The following RNF144B variants were observed in gnomAD, a reference collection of about 807,000 sequenced individuals.
RNF144B encodes the protein E3 ubiquitin-protein ligase RNF144B.
A neutral mutation model predicts 40.2 loss-of-function variants in RNF144B; 25 were observed. The ratio of observed to expected loss-of-function variants is 0.62; its 90% CI spans 0.45 to 0.87. The LOEUF (loss-of-function observed/expected upper bound fraction) is 0.87. RNF144B is among the 40% of genes least tolerant of loss of function. RNF144B has a pLI of 0.00. For synonymous variants in RNF144B, 145 were observed against 136.3 expected, an observed-to-expected ratio of 1.06 and a Z score of -0.44; for missense variants, 365 against 373.7, an observed-to-expected ratio of 0.98 and a Z score of 0.19.
intron 6 of RNF144B, among the ~76,000 whole-genome samples, chr6:18,461,285 A>G (rs921644381): frequency 6.6e-6 from 1 of 152,236 alleles, no homozygotes; most frequent in Non-Finnish European, 1.5e-5. Flanking sequence ...TTGATTTATC[A>G]TAGGCCCTTG....
chr6:18,462,256 AC>A (rs1286885207), intron 6 of RNF144B, among the ~76,000 whole-genome samples: 1 of 152,096 alleles, frequency 6.6e-6, no homozygotes, highest in African/African-American at 2.4e-5. Context: ...ACGTAGTCAC[AC>A]CCCGACTGTA....
chr6:18,458,376 C>T lies in RNF144B; in HGVS notation c.536+1017C>T, dbSNP rs1759377206. Among the ~76,000 whole-genome samples, 2 of 152,186 alleles carry T rather than the reference C, an allele frequency of 1.3e-5. No individual in the cohort carries two copies. The highest frequency in any genetic ancestry group is 4.8e-5 in the African/African-American group (2 of 41,432). On this transcript the variant is annotated intron_variant, in intron 5 of 7. Transcript: ENST00000259939. This position sits in a 1 kb window ranked among gnomAD's most constrained non-coding sequence, Gnocchi z 4.8. Reference sequence around the variant, plus strand: ...TGTTGTAATCCCATTGGCTTAATCACACAGTGCACCCAGAATGTGTAGAAC... The same window carrying T: ...TGTTGTAATCCCATTGGCTTAATCATACAGTGCACCCAGAATGTGTAGAAC...
rs1562061655 is a variant in RNF144B at position 18,463,295 on chromosome 6, A to G, written c.686A>G (p.Asp229Gly). The change falls in exon 7 of 8, where the codon GAC becomes GGC. Residue 229 changes from aspartate to glycine, a missense_variant. Asp to Gly is a moderately conservative substitution (Grantham distance 94). Transcript: ENST00000259939. ...ATCAATCTTTTTATTTTTCAGAATG[A>G]CATTTTCCTCAGACATTATGACAAA... ...CWYCLQNLDN[D>G]IFLRHYDKGP... is the part of the protein sequence containing the mutation. 1 of 1,586,412 alleles carries G rather than the reference A, an allele frequency of 6.3e-7. No individual in the cohort carries two copies. The highest frequency in any genetic ancestry group is 8.7e-7 in the Non-Finnish European group (1 of 1,154,696).
chr6:18,435,088 G>A (rs1758787466), intron 3 of RNF144B, among the ~76,000 whole-genome samples: 1 of 152,082 alleles, frequency 6.6e-6, no homozygotes, highest in African/African-American at 2.4e-5. Flanking sequence ...ATTAAAGTTT[G>A]GGTGTTTTCC....
At chr6:18,429,911 G>T (rs2113502393) in intron 3 of RNF144B, among the ~76,000 whole-genome samples, 1 of 152,240 alleles carries the variant, frequency 6.6e-6, no homozygotes, top group South Asian at 2.1e-4. Context: ...TGGAGCTTCT[G>T]GTCCAGCAGA....
intron 2 of RNF144B, among the ~76,000 whole-genome samples, chr6:18,403,807 G>T (rs1289029024): frequency 6.6e-6 from 1 of 152,196 alleles, no homozygotes; most frequent in Non-Finnish European, 1.5e-5. Flanking sequence ...TTGGCTTCTG[G>T]TGAAGGTCTC....
rs1794729984 is a variant in RNF144B at position 18,398,240 on chromosome 6, A to G, written c.-36-1259A>G. 6.6e-6 allele frequency among the ~76,000 whole-genome samples: 1 copy of G among 152,072 alleles called. No homozygotes were observed. The highest frequency in any genetic ancestry group is 1.5e-5 in the Non-Finnish European group (1 of 68,004). On this transcript the variant is annotated intron_variant, in intron 1 of 7. Transcript: ENST00000259939. The surrounding 1 kb of genome is among the most constrained non-coding windows in gnomAD (Gnocchi z 5.0). Reference sequence around the variant, plus strand: ...CCTCATTTAAGTGGAATCATACAATATTTGATTTTCTGTCTGGTTTATTTC... The same window carrying G: ...CCTCATTTAAGTGGAATCATACAATGTTTGATTTTCTGTCTGGTTTATTTC...
rs1231782528 is a variant in RNF144B at position 18,465,751 on chromosome 6, C to G, written c.*684C>G. 1 of 152,216 alleles carries G rather than the reference C, an allele frequency of 6.6e-6. No homozygotes were observed. The highest frequency in any genetic ancestry group is 1.5e-5 in the Non-Finnish European group (1 of 68,054). 9.4% of individuals were successfully genotyped at this position (152,216 alleles called of 1,614,324 possible). On this transcript the variant is annotated 3_prime_UTR_variant, in exon 8 of 8. Transcript: ENST00000259939. ...AGTAAAAGAGTTGCAGCCTGTTAAACAATGTGGTCTAATTTAGTGTCTCTC... is the reference window on the plus strand; with the variant it reads ...AGTAAAAGAGTTGCAGCCTGTTAAAGAATGTGGTCTAATTTAGTGTCTCTC...
intron 2 of RNF144B, 146 bp from the exon 3 acceptor site, chr6:18,427,435 A>G (rs1758582131): frequency 1.8e-6 from 1 of 552,814 alleles, no homozygotes; most frequent in Non-Finnish European, 3.2e-6. Context: ...GGCTCTTAGT[A>G]TTCACACTTG....
In RNF144B at chr6:18,465,002, A is replaced by G. The variant is rs769859170; in HGVS notation, c.847A>G (p.Ile283Val). 2.7e-5 allele frequency: 44 copies of G among 1,613,800 alleles called. No homozygotes were observed. The Middle Eastern group carries it at 1.5e-3, about 54-fold the overall frequency. Reference sequence around the variant, plus strand: ...CTTGTTACTCCTGGCCTCCCCATGTATAATCTGTTGTGTCTGCAAGTCCTG... The same window carrying G: ...CTTGTTACTCCTGGCCTCCCCATGTGTAATCTGTTGTGTCTGCAAGTCCTG... Reference protein sequence around the residue: ...SPLLLLASPCIICCVCKSCRG... With the variant: ...SPLLLLASPCVICCVCKSCRG... The change falls in exon 8 of 8, where the codon ATA (isoleucine) becomes GTA (valine). Residue 283 changes from isoleucine to valine, a missense_variant. Coordinates refer to ENST00000259939, the MANE Select transcript of RNF144B (RefSeq NM_182757.4).
At position 18,416,960 on chromosome 6, in the gene RNF144B, A is replaced by G. The variant is rs1795158163; in HGVS notation, c.166-10621A>G. Among the ~76,000 whole-genome samples, 1 of 152,230 alleles carries G rather than the reference A, an allele frequency of 6.6e-6. No individual in the cohort carries two copies. The highest frequency in any genetic ancestry group is 2.1e-4 in the South Asian group (1 of 4,836). On this transcript the variant is annotated intron_variant, in intron 2 of 7. Transcript: ENST00000259939. The surrounding 1 kb of genome is among the most constrained non-coding windows in gnomAD (Gnocchi z 5.5). Reference sequence around the variant, plus strand: ...TGTACAGAATCAATTGTATTTCCATATACTAGTAAGAAATAATATAATTGC... The same window carrying G: ...TGTACAGAATCAATTGTATTTCCATGTACTAGTAAGAAATAATATAATTGC...
rs182595684 is a variant in RNF144B at position 18,387,664 on chromosome 6, G to T, written c.-37+34G>T. The T allele has an allele frequency of 2.1e-5, 27 of 1,286,880 alleles. No homozygotes were observed. In the South Asian group the frequency reaches 3.0e-4, roughly 14 times the overall value. The allele number at this position is 1,286,880 out of a possible 1,614,324, so 79.7% of individuals were successfully genotyped here. On this transcript the variant is annotated intron_variant, in intron 1 of 7. Coordinates refer to ENST00000259939, the MANE Select transcript of RNF144B (RefSeq NM_182757.4). ...AGCGAGCTTTTTAAAGGCTACAGGCGTTGCAAGACCGGAATGGTGTTGCTG... is the reference window on the plus strand; with the variant it reads ...AGCGAGCTTTTTAAAGGCTACAGGCTTTGCAAGACCGGAATGGTGTTGCTG...
At chr6:18,396,288 T>G in intron 1 of RNF144B, 6 of 605,648 alleles carry the variant, frequency 9.9e-6, no homozygotes, top group Non-Finnish European at 1.2e-5. Context: ...GGATAATAAT[T>G]GAGGTATTAT....
intron 1 of RNF144B, among the ~76,000 whole-genome samples, chr6:18,396,975 A>G (rs948242650): frequency 1.3e-5 from 2 of 152,174 alleles, no homozygotes; most frequent in Non-Finnish European, 2.9e-5. Context: ...CTGTGTCTTG[A>G]ACTTTATCCG....
rs1045074500 is a variant in RNF144B, at chr6:18,466,284, A to T, written c.*1217A>T. The T allele has an allele frequency of 6.6e-6, 1 of 151,904 alleles. No homozygotes were observed. Among genetic ancestry groups the T allele is most frequent in the Non-Finnish European group, 1.5e-5 (1 of 68,030 alleles). The allele number at this position is 151,904 out of a possible 1,614,324, so 9.4% of individuals were successfully genotyped here. A position where few individuals can be genotyped will look rare whatever the true frequency, so the allele number is the denominator to read the frequency against. On this transcript the variant is annotated 3_prime_UTR_variant, in exon 8 of 8. Coordinates refer to ENST00000259939, the MANE Select transcript of RNF144B (RefSeq NM_182757.4). ...CATCTCTGTAAAAACGCTAATTGAT[A>T]ACCGAGTCATTTACATGTTTTCGAA... is the stretch of plus-strand genomic sequence containing the variant.
At chr6:18,389,961 T>C (rs1018765363) in intron 1 of RNF144B, among the ~76,000 whole-genome samples, 14 of 152,186 alleles carry the variant, frequency 9.2e-5, no homozygotes, top group Non-Finnish European at 8.8e-5. Flanking sequence ...TAATATTTTC[T>C]CTCCTCCAAG....
Position 18,439,857 on chromosome 6 carries a change from G to A in RNF144B, c.331+113G>A. ...ATGGGCTGTCAACAAAGCCTCAAGGGTACTCTAAAAGGAGAATACTGTAAT... is the reference window on the plus strand; with the variant it reads ...ATGGGCTGTCAACAAAGCCTCAAGGATACTCTAAAAGGAGAATACTGTAAT... On this transcript the variant is annotated intron_variant, in intron 4 of 7. Transcript: ENST00000259939. 8 of 654,602 alleles carry A rather than the reference G, an allele frequency of 1.2e-5. 1 individual carries two copies. In the South Asian group the frequency reaches 1.6e-4, roughly 13 times the overall value. The allele number at this position is 654,602 out of a possible 1,614,324, so 40.5% of individuals were successfully genotyped here.
intron 2 of RNF144B, among the ~76,000 whole-genome samples, chr6:18,411,481 A>ATTTTTTT (rs1795036839): frequency 3.6e-5 from 1 of 27,908 alleles, no homozygotes; most frequent in Non-Finnish European, 8.6e-5. Context: ...ATATATATAT[A>ATTTTTTT]TATATATATA....
intron 3 of RNF144B, among the ~76,000 whole-genome samples, chr6:18,429,344 CTTTG>C (rs71696932): frequency 0.31 from 46,865 of 151,578 alleles, 8,372 homozygotes; most frequent in East Asian, 0.5. Context: ...ACTGTACATG[CTTTG>C]TTTATGAATA....
Sources: allele counts gnomAD v4.1 joint callset (sites outside exome capture counted in the v4.1 genomes callset), GRCh38; gene constraint gnomAD v4.1.1; non-coding constraint Gnocchi (gnomAD v3.1); transcripts MANE v1.5; gene names NCBI Gene and HGNC (gene_info 2026-07-23, HGNC 2026-07-21).